The following NRXN1 variants were observed in gnomAD, a reference collection of about 807,000 sequenced individuals.
The protein encoded by NRXN1 is neurexin-1.
NRXN1 carries 39 observed loss-of-function variants against 150.9 expected under a neutral mutation model. The ratio of observed to expected loss-of-function variants is 0.26; its 90% CI spans 0.20 to 0.34. The LOEUF is 0.34. NRXN1 is among the 10% of genes least tolerant of loss of function. The probability of loss-of-function intolerance (pLI) is 1.00; values close to 1 mark genes in which losing one functional copy is unlikely to be tolerated. For missense variants in NRXN1, 1,815 were observed against 1,949.9 expected, an observed-to-expected ratio of 0.93 and a Z score of 1.30; for synonymous variants, 924 against 757.0, an observed-to-expected ratio of 1.22 and a Z score of -3.62.
At chr2:50,396,286 A>G (rs1277577331) in intron 17 of NRXN1, among the ~76,000 whole-genome samples, 3 of 152,210 alleles carry the variant, frequency 2.0e-5, no homozygotes, top group Admixed American at 1.3e-4. Flanking sequence ...CTGTTTATTT[A>G]GACTTCATTA....
chr2:50,471,843 C>T (rs1460166713), intron 16 of NRXN1, among the ~76,000 whole-genome samples: 1 of 151,600 alleles, frequency 6.6e-6, no homozygotes, highest in Non-Finnish European at 1.5e-5. Context: ...CACAAGTTGA[C>T]CTACATAACA....
intron 5 of NRXN1, among the ~76,000 whole-genome samples, chr2:50,816,236 T>G (rs1198166486): frequency 6.6e-6 from 1 of 152,120 alleles, no homozygotes; most frequent in Non-Finnish European, 1.5e-5. Flanking sequence ...GCCCCATTGA[T>G]GAACGCTTTG....
At position 50,854,864 on chromosome 2, in the gene NRXN1, G is replaced by C. The variant is rs146009801; in HGVS notation, c.832+67005C>G. 8.7e-3 allele frequency among the ~76,000 whole-genome samples: 1,323 copies of C among 152,110 alleles called. 10 individuals are homozygous for C. Among genetic ancestry groups the C allele is most frequent in the Non-Finnish European group, 0.014 (980 of 67,920 alleles). ...GTTTCTCAACTACTATGTAGTGTAG[G>C]ATGATGTACAGGAGTGGAAGAAAGA... On this transcript the variant is annotated intron_variant, in intron 5 of 22. Coordinates refer to ENST00000401669, the MANE Select transcript of NRXN1 (RefSeq NM_001330078.2).
chr2:50,724,052 G>C (rs2053449966), intron 5 of NRXN1, among the ~76,000 whole-genome samples: 1 of 152,134 alleles, frequency 6.6e-6, no homozygotes, highest in Non-Finnish European at 1.5e-5. Flanking sequence ...TCAAATACAA[G>C]ATCCATTGTG....
rs140567023 is a variant in NRXN1, at chr2:50,181,713, T to G, written c.3546+55076A>C. Among the ~76,000 whole-genome samples the G allele has an allele frequency of 5.0e-3, 765 of 152,258 alleles. 7 individuals carry two copies. Among genetic ancestry groups the G allele is most frequent in the African/African-American group, 0.018 (736 of 41,570 alleles). On this transcript the variant is annotated intron_variant, in intron 18 of 22. Coordinates refer to ENST00000401669, the MANE Select transcript of NRXN1 (RefSeq NM_001330078.2). Reference sequence around the variant, plus strand: ...GTTTTACTTTTTTTGTTTACTTGAATGAGAATAATGGATAAGAAAAACATT... The same window carrying G: ...GTTTTACTTTTTTTGTTTACTTGAAGGAGAATAATGGATAAGAAAAACATT...
At chr2:50,008,543 G>C (rs1243790433) in intron 21 of NRXN1, among the ~76,000 whole-genome samples, 1 of 147,680 alleles carries the variant, frequency 6.8e-6, no homozygotes, top group Non-Finnish European at 1.5e-5. Context: ...GGCTCACTGT[G>C]AGCTCCGAGG....
intron 18 of NRXN1, among the ~76,000 whole-genome samples, chr2:50,216,193 C>A (rs2063385821): frequency 6.6e-6 from 1 of 151,798 alleles, no homozygotes; most frequent in Non-Finnish European, 1.5e-5. Flanking sequence ...GGCACCCCAG[C>A]CTGGGTGACA....
At chr2:50,361,585 G>T (rs1310197967) in intron 17 of NRXN1, among the ~76,000 whole-genome samples, 1 of 152,098 alleles carries the variant, frequency 6.6e-6, no homozygotes, top group African/African-American at 2.4e-5. Flanking sequence ...TCCTTGAAGA[G>T]ACCAATAACA....
chr2:50,990,777 A>G (rs1188170346), intron 2 of NRXN1, among the ~76,000 whole-genome samples: 1 of 152,018 alleles, frequency 6.6e-6, no homozygotes, highest in Non-Finnish European at 1.5e-5. Context: ...TCCCAGATCC[A>G]TGGCTCACAT....
At chr2:50,736,628 G>C (rs1460895418) in intron 5 of NRXN1, among the ~76,000 whole-genome samples, 1 of 152,092 alleles carries the variant, frequency 6.6e-6, no homozygotes, top group African/African-American at 2.4e-5. Context: ...GGTTTTATAA[G>C]GGGAGAAACC....
chr2:50,337,749 CAA>C (rs1317664313), intron 17 of NRXN1, among the ~76,000 whole-genome samples: 1 of 151,196 alleles, frequency 6.6e-6, no homozygotes, highest in African/African-American at 2.4e-5. Context: ...CACTATAAGC[CAA>C]GAGTTGAATT....
chr2:50,125,670 T>C (rs1222252391), intron 18 of NRXN1, among the ~76,000 whole-genome samples: 1 of 152,118 alleles, frequency 6.6e-6, no homozygotes, highest in Non-Finnish European at 1.5e-5. Context: ...TTAATGAAAT[T>C]CTCATTTGTA....
chr2:49,998,914 T>G (rs1683446478), intron 21 of NRXN1, among the ~76,000 whole-genome samples: 1 of 152,168 alleles, frequency 6.6e-6, no homozygotes, highest in African/African-American at 2.4e-5. Context: ...TCAGTCTTCC[T>G]GCTTCCATCA....
intron 21 of NRXN1, among the ~76,000 whole-genome samples, chr2:49,966,891 C>T (rs1365032081): frequency 6.6e-6 from 1 of 152,016 alleles, no homozygotes; most frequent in Admixed American, 6.6e-5. Flanking sequence ...AAAAATCCAA[C>T]ATTTAAAAGG....
chr2:49,974,305 AG>A lies in NRXN1; in HGVS notation c.4129-30515del. 4 of 512,062 alleles carry A rather than the reference AG, an allele frequency of 7.8e-6. No homozygotes were observed. In the Admixed American group the frequency reaches 1.1e-4, roughly 14 times the overall value. The allele number at this position is 512,062 out of a possible 1,614,324, so 31.7% of individuals were successfully genotyped here. A position where few individuals can be genotyped will look rare whatever the true frequency, so the allele number is the denominator to read the frequency against. On this transcript the variant is annotated intron_variant, in intron 21 of 22. Coordinates refer to ENST00000401669, the MANE Select transcript of NRXN1 (RefSeq NM_001330078.2). ...GCAGTTGACGAGGCTGTTGGTACAC[AG>A]CCCAGCCCGGCACCACTCAAAAAGT...
intron 18 of NRXN1, among the ~76,000 whole-genome samples, chr2:50,219,376 C>T (rs2063637036): frequency 6.7e-6 from 1 of 149,308 alleles, no homozygotes; most frequent in Non-Finnish European, 1.5e-5. Flanking sequence ...AAAAAAAGAG[C>T]TCTTAGACAG....
Position 50,070,354 on chromosome 2 carries a change from C to A in NRXN1, c.3719-15310G>T, listed in dbSNP as rs147666197. Among the ~76,000 whole-genome samples the A allele has an allele frequency of 4.7e-3, 711 of 152,220 alleles. 6 individuals carry two copies. The highest frequency in any genetic ancestry group is 0.016 in the African/African-American group (683 of 41,536). ...TTTGTCCAAAGTGTATCAAAATAAACCTTTTCTTGGATTGCTGAAACACCT... is the reference window on the plus strand; with the variant it reads ...TTTGTCCAAAGTGTATCAAAATAAAACTTTTCTTGGATTGCTGAAACACCT... On this transcript the variant is annotated intron_variant, in intron 19 of 22. Coordinates refer to ENST00000401669, the MANE Select transcript of NRXN1 (RefSeq NM_001330078.2).
At chr2:50,371,765 C>CAATTGT (rs2080046627) in intron 17 of NRXN1, among the ~76,000 whole-genome samples, 1 of 151,036 alleles carries the variant, frequency 6.6e-6, no homozygotes, top group African/African-American at 2.4e-5. Context: ...GTTACTGTTG[C>CAATTGT]AATTTATAAG....
chr2:50,225,693 T>C (rs551212409), intron 18 of NRXN1, among the ~76,000 whole-genome samples: 4 of 151,990 alleles, frequency 2.6e-5, no homozygotes, highest in South Asian at 4.1e-4. Context: ...GGAACAGATA[T>C]GAACAGCGGC....
Sources: gnomAD v4.1 joint callset for allele counts (sites outside exome capture counted in the v4.1 genomes callset) on GRCh38, gnomAD v4.1.1 for gene constraint, MANE v1.5 for transcripts, NCBI Gene and HGNC (gene_info 2026-07-23, HGNC 2026-07-21) for gene names.